PTPRN2: variants seen among roughly 807,000 people sequenced by gnomAD.
PTPRN2 encodes protein tyrosine phosphatase receptor type N2, also known as receptor-type tyrosine-protein phosphatase N2.
A neutral mutation model predicts 118.8 loss-of-function variants in PTPRN2; 74 were observed. That is an observed-to-expected ratio of 0.62 (90% CI 0.52 to 0.76). The LOEUF is 0.76. Ranked by LOEUF, PTPRN2 falls within the 30% of genes least tolerant of loss-of-function variation. PTPRN2 has a pLI of 0.00. For missense variants in PTPRN2, 1,481 were observed against 1,394.4 expected (o/e 1.06, Z -0.99); for synonymous variants, 641 against 608.0 (o/e 1.05, Z -0.80).
Position 157,953,864 on chromosome 7 carries a change from G to A in PTPRN2, c.1724-55127C>T, listed in dbSNP as rs554887050. On this transcript the variant is annotated intron_variant, in intron 11 of 22. Transcript: ENST00000389418. This position sits in a 1 kb window ranked among gnomAD's most constrained non-coding sequence, Gnocchi z 4.6. ...AGAAATGTAAGCAAATCCGCATTTCGAAGCAGAAATCGCTGGTTTAAATAT... is the reference window on the plus strand; with the variant it reads ...AGAAATGTAAGCAAATCCGCATTTCAAAGCAGAAATCGCTGGTTTAAATAT... Among the ~76,000 whole-genome samples the A allele has an allele frequency of 1.3e-5, 2 of 152,244 alleles. No individual in the cohort carries two copies. The highest frequency in any genetic ancestry group is 2.1e-4 in the South Asian group (1 of 4,814).
chr7:157,578,461 C>T (rs1423522420), intron 17 of PTPRN2, among the ~76,000 whole-genome samples: 2 of 152,278 alleles, frequency 1.3e-5, no homozygotes, highest in East Asian at 3.9e-4. Context: ...ACATAACAGC[C>T]AGCACTTCTC....
intron 2 of PTPRN2, among the ~76,000 whole-genome samples, chr7:158,391,083 C>T (rs754822852): frequency 1.2e-4 from 19 of 152,318 alleles, no homozygotes; most frequent in African/African-American, 3.4e-4. Context: ...CCTCTTGCGA[C>T]GGTTGTAACG....
At chr7:157,774,242 G>A (rs1214719951) in intron 12 of PTPRN2, among the ~76,000 whole-genome samples, 2 of 152,154 alleles carry the variant, frequency 1.3e-5, no homozygotes, top group African/African-American at 4.8e-5. Context: ...AAAAAGAAAT[G>A]TTCCAGGAGT....
rs77530778 is a variant in PTPRN2 at position 158,102,972 on chromosome 7, C to T, written c.1643+7857G>A. Among the ~76,000 whole-genome samples, 782 of 152,300 alleles carry T rather than the reference C, an allele frequency of 5.1e-3. 26 individuals are homozygous for T. The East Asian group carries it at 0.098, about 19-fold the overall frequency. ...GCTGAGTCCTAGACAGGGAGCCTGA[C>T]GGGACAGGAGCTGGGGCATCAGTCC... On this transcript the variant is annotated intron_variant, in intron 10 of 22. Transcript: ENST00000389418.
At chr7:157,751,671 G>A (rs1217812359) in intron 12 of PTPRN2, among the ~76,000 whole-genome samples, 2 of 151,998 alleles carry the variant, frequency 1.3e-5, no homozygotes, top group Non-Finnish European at 1.5e-5. Context: ...ACTCTGCACC[G>A]CTGACACGCG....
intron 6 of PTPRN2, among the ~76,000 whole-genome samples, chr7:158,166,475 T>C (rs1585711259): frequency 2.9e-5 from 3 of 105,026 alleles, no homozygotes; most frequent in Admixed American, 2.2e-4. Context: ...CTGGCCACTG[T>C]GTTCACTGTC....
At position 157,821,842 on chromosome 7, in the gene PTPRN2, T is replaced by C. The variant is rs536805624; in HGVS notation, c.1788+76831A>G. 2.8e-4 allele frequency among the ~76,000 whole-genome samples: 42 copies of C among 152,094 alleles called. 1 individual carries two copies. The highest frequency in any genetic ancestry group is 5.4e-4 in the Non-Finnish European group (37 of 68,016). ...ATGACATAGGTTGTGGTGAAGATAATTGTGAGAGACGTGACTAAGGGGGAG... is the reference window on the plus strand; with the variant it reads ...ATGACATAGGTTGTGGTGAAGATAACTGTGAGAGACGTGACTAAGGGGGAG... On this transcript the variant is annotated intron_variant, in intron 12 of 22. Transcript: ENST00000389418.
intron 14 of PTPRN2, among the ~76,000 whole-genome samples, chr7:157,641,899 G>A (rs1354778831): frequency 6.6e-6 from 1 of 152,050 alleles, no homozygotes; most frequent in East Asian, 1.9e-4. Flanking sequence ...GTGTTCACTC[G>A]AGTCCAGGCT....
intron 5 of PTPRN2, among the ~76,000 whole-genome samples, chr7:158,171,318 T>TACACACATAC (rs1318559722): frequency 2.1e-5 from 2 of 93,832 alleles, no homozygotes; most frequent in African/African-American, 9.3e-5. Context: ...CATATATATA[T>TACACACATAC]ATATATATAT....
At chr7:157,686,327 C>T (rs549294525) in intron 12 of PTPRN2, among the ~76,000 whole-genome samples, 2 of 152,338 alleles carry the variant, frequency 1.3e-5, no homozygotes, top group South Asian at 4.1e-4. Context: ...CAAGTCAGGT[C>T]TTAGGAATCC....
rs368090366 is a variant in PTPRN2 at position 157,974,467 on chromosome 7, A to G, written c.1724-75730T>C. On this transcript the variant is annotated intron_variant, in intron 11 of 22. Transcript: ENST00000389418. The surrounding 1 kb of genome is among the most constrained non-coding windows in gnomAD (Gnocchi z 4.0). Reference sequence around the variant, plus strand: ...GGGTCCACTTCGAGAAGACAGAGACAGAGTGAAGCCTCAAGAACAGTGTTC... The same window carrying G: ...GGGTCCACTTCGAGAAGACAGAGACGGAGTGAAGCCTCAAGAACAGTGTTC... Among the ~76,000 whole-genome samples, 15 of 152,340 alleles carry G rather than the reference A, an allele frequency of 9.8e-5. No homozygotes were observed. The East Asian group carries it at 2.9e-3, about 29-fold the overall frequency.
At chr7:158,437,133 T>C (rs1816626179) in intron 2 of PTPRN2, among the ~76,000 whole-genome samples, 1 of 152,192 alleles carries the variant, frequency 6.6e-6, no homozygotes, top group Non-Finnish European at 1.5e-5. Context: ...CACTCCGTCC[T>C]GTACTTTCTC....
At chr7:158,324,577 A>G (rs10949716) in intron 2 of PTPRN2, among the ~76,000 whole-genome samples, 142,065 of 151,454 alleles carry the variant, frequency 0.94, 66,727 homozygotes, top group Non-Finnish European at 0.96. Flanking sequence ...CCTCCACCCC[A>G]TCCCGTACTG....
rs188038102 is a variant in PTPRN2 at position 158,291,436 on chromosome 7, A to C, written c.277+25383T>G. Among the ~76,000 whole-genome samples, 246 of 152,292 alleles carry C rather than the reference A, an allele frequency of 1.6e-3. 3 individuals carry two copies. The highest frequency in any genetic ancestry group is 3.4e-4 in the Non-Finnish European group (23 of 68,022). On this transcript the variant is annotated intron_variant, in intron 3 of 22. Transcript: ENST00000389418. The stretch of plus-strand genomic sequence containing the variant: ...ATTTATATTTTGTTTGGGTTTTTTT[A>C]GTCTAAGCTCTAGGAGCTTCCCCTC...
Position 157,615,397 on chromosome 7 carries a change from C to G in PTPRN2, c.2344+5965G>C, listed in dbSNP as rs1802695657. 2.1e-6 allele frequency: 1 copy of G among 469,554 alleles called. No individual in the cohort carries two copies. The highest frequency in any genetic ancestry group is 4.4e-6 in the Non-Finnish European group (1 of 226,016). 29.1% of individuals were successfully genotyped at this position (469,554 alleles called of 1,614,324 possible). ...TCCCTAACCTCCTTCAGCCCCAGCTCTGTCCCTGTGTGAATCTCAGGGCTG... is the reference window on the plus strand; with the variant it reads ...TCCCTAACCTCCTTCAGCCCCAGCTGTGTCCCTGTGTGAATCTCAGGGCTG... On this transcript the variant is annotated intron_variant, in intron 15 of 22. Coordinates refer to ENST00000389418, the MANE Select transcript of PTPRN2 (RefSeq NM_002847.5). The surrounding 1 kb of genome is among the most constrained non-coding windows in gnomAD (Gnocchi z 4.3).
intron 13 of PTPRN2, among the ~76,000 whole-genome samples, chr7:157,679,715 CT>C (rs66592158): frequency 0.062 from 9,415 of 151,778 alleles, 486 homozygotes; most frequent in East Asian, 0.13. Flanking sequence ...GGGGTCGGGG[CT>C]GGGGGGTTCT....
chr7:158,490,242 G>A (rs1293374516), intron 1 of PTPRN2, among the ~76,000 whole-genome samples: 1 of 152,226 alleles, frequency 6.6e-6, no homozygotes, highest in Admixed American at 6.5e-5. Context: ...CGGGGAGCCC[G>A]GCTGCGTGGG....
intron 5 of PTPRN2, among the ~76,000 whole-genome samples, chr7:158,174,261 T>C (rs1405653265): frequency 1.3e-5 from 2 of 152,172 alleles, no homozygotes; most frequent in African/African-American, 2.4e-5. Flanking sequence ...GGTCCCTGAC[T>C]TCCCGCAACA....
intron 12 of PTPRN2, among the ~76,000 whole-genome samples, chr7:157,815,637 A>T (rs1173132771): frequency 6.6e-6 from 1 of 152,212 alleles, no homozygotes; most frequent in African/African-American, 2.4e-5. Flanking sequence ...TTAAAGGGAC[A>T]TTCGGATGCA....
Sources: gnomAD v4.1 joint callset for allele counts (sites outside exome capture counted in the v4.1 genomes callset) on GRCh38, gnomAD v4.1.1 for gene constraint, Gnocchi (gnomAD v3.1) non-coding constraint, MANE v1.5 for transcripts, NCBI Gene and HGNC (gene_info 2026-07-23, HGNC 2026-07-21) for gene names.